The following TMCO4 variants were observed in gnomAD, a reference collection of about 807,000 sequenced individuals.
TMCO4 encodes the protein transmembrane and coiled-coil domain-containing protein 4.
TMCO4 carries 58 observed loss-of-function variants against 64.7 expected under a neutral mutation model. The observed-to-expected ratio is 0.90, with a 90% confidence interval of 0.73 to 1.12. TMCO4 has a LOEUF of 1.12. Among genes scored for constraint, TMCO4 ranks in the 50% most tolerant of loss-of-function variants. The pLI is 0.00. For synonymous variants in TMCO4, 325 were observed against 346.1 expected (o/e 0.94, Z 0.68); for missense variants, 780 against 825.9 (o/e 0.94, Z 0.68).
At chr1:19,794,014 G>A (rs999272307) in intron 2 of TMCO4, among the ~76,000 whole-genome samples, 2 of 151,882 alleles carry the variant, frequency 1.3e-5, no homozygotes, top group African/African-American at 4.8e-5. Flanking sequence ...TGATGGGGCC[G>A]CTGCAATCTG....
At chr1:19,737,571 A>AATC (rs1331356896) in intron 12 of TMCO4, 115 bp from the exon 13 acceptor site, 1 of 876,422 alleles carries the variant, frequency 1.1e-6, no homozygotes, top group Non-Finnish European at 1.8e-6. Context: ...TCATCTAATG[A>AATC]ATCATGCATG....
chr1:19,782,506 A>G (rs1224047030), intron 3 of TMCO4, among the ~76,000 whole-genome samples: 1 of 152,140 alleles, frequency 6.6e-6, no homozygotes, highest in Non-Finnish European at 1.5e-5. Flanking sequence ...TGAACTGTAT[A>G]GTTAATATTT....
intron 10 of TMCO4, among the ~76,000 whole-genome samples, chr1:19,741,792 A>G (rs2095480557): frequency 6.8e-6 from 1 of 146,688 alleles, no homozygotes; most frequent in Admixed American, 6.8e-5. Context: ...GCTGGAGTGT[A>G]GTGGCACGAT....
At position 19,794,676 on chromosome 1, in the gene TMCO4, T is replaced by C. The variant is rs76619742; in HGVS notation, c.-101+3461A>G. The stretch of plus-strand genomic sequence containing the variant: ...ATATGCAAAATAATTGAAAGCTGGG[T>C]CTCAAAAACATATTTGTACACCCAT... On this transcript the variant is annotated intron_variant, in intron 2 of 15. Coordinates refer to ENST00000294543, the MANE Select transcript of TMCO4 (RefSeq NM_181719.7). 8.3e-3 allele frequency among the ~76,000 whole-genome samples: 1,264 copies of C among 152,230 alleles called. 16 individuals carry two copies. Among genetic ancestry groups the C allele is most frequent in the African/African-American group, 0.029 (1,201 of 41,530 alleles).
chr1:19,748,321 A>T (rs1355625081), intron 7 of TMCO4, among the ~76,000 whole-genome samples: 1 of 152,216 alleles, frequency 6.6e-6, no homozygotes, highest in African/African-American at 2.4e-5. Context: ...TTTCTACCTC[A>T]TAAAGTTGTT....
chr1:19,753,206 C>T (rs764516407), intron 7 of TMCO4, among the ~76,000 whole-genome samples: 4 of 151,976 alleles, frequency 2.6e-5, no homozygotes, highest in Admixed American at 6.6e-5. Context: ...GTGATCCACC[C>T]GCCTCAGCCT....
chr1:19,685,710 CTTTTTTTTTTT>C (rs55783904), intron 15 of TMCO4, among the ~76,000 whole-genome samples: 92 of 106,616 alleles, frequency 8.6e-4, no homozygotes, highest in Admixed American at 2.2e-3. Context: ...AGGCCTGTTT[CTTTTTTTTTTT>C]TTTTTTTTTT....
At chr1:19,716,650 C>T (rs2095358159) in intron 13 of TMCO4, among the ~76,000 whole-genome samples, 1 of 152,110 alleles carries the variant, frequency 6.6e-6, no homozygotes, top group Admixed American at 6.5e-5. Flanking sequence ...CACTTACAAG[C>T]TGTGTGACCA....
At chr1:19,774,052 T>C (rs917714168) in intron 4 of TMCO4, among the ~76,000 whole-genome samples, 1 of 152,220 alleles carries the variant, frequency 6.6e-6, no homozygotes, top group African/African-American at 2.4e-5. Flanking sequence ...TAACACTGTC[T>C]GGCACCAGTG....
chr1:19,688,869 T>C (rs746297765), intron 15 of TMCO4, among the ~76,000 whole-genome samples: 32 of 152,236 alleles, frequency 2.1e-4, no homozygotes, highest in Non-Finnish European at 2.9e-4. Flanking sequence ...ACCTGGCATT[T>C]CTGCTGGGAC....
intron 13 of TMCO4, among the ~76,000 whole-genome samples, chr1:19,736,611 A>G (rs551047573): frequency 1.3e-5 from 2 of 152,226 alleles, no homozygotes; most frequent in South Asian, 2.1e-4. Context: ...CAGCCCCTCC[A>G]CAGGCAGCCC....
chr1:19,791,108 T>C (rs564072876), intron 2 of TMCO4, among the ~76,000 whole-genome samples: 62 of 152,104 alleles, frequency 4.1e-4, no homozygotes, highest in African/African-American at 1.5e-3. Context: ...AGCTGAACAA[T>C]GAGCACACAT....
chr1:19,695,566 A>AG (rs566014486), intron 14 of TMCO4, among the ~76,000 whole-genome samples: 113 of 152,282 alleles, frequency 7.4e-4, no homozygotes, highest in African/African-American at 2.6e-3. Flanking sequence ...CTCACTGTAG[A>AG]GGGATAAGAA....
intron 7 of TMCO4, among the ~76,000 whole-genome samples, chr1:19,753,107 A>G (rs565917313): frequency 3.3e-5 from 5 of 151,872 alleles, no homozygotes; most frequent in Non-Finnish European, 7.4e-5. Flanking sequence ...TTACAGGCAT[A>G]CGCCATCACA....
Position 19,771,390 on chromosome 1 carries a change from A to G in TMCO4, c.272T>C (p.Leu91Pro), listed in dbSNP as rs748456655. The change falls in exon 5 of 16, where the codon CTG becomes CCG. Residue 91 changes from leucine to proline, a missense_variant. By Grantham distance (98) the Leu-to-Pro change is moderately conservative (BLOSUM62 -3). Transcript: ENST00000294543. ...AAACACATCTGCTCCTTCACCTCCC[A>G]GGCCGCTCGCAAAAGCAGTCATGGT... ...LPTMTAFASG[L>P]GGEGADVFVQ... The G allele has an allele frequency of 3.7e-6, 6 of 1,614,032 alleles. No individual in the cohort carries two copies. In the South Asian group the frequency reaches 6.6e-5, roughly 18 times the overall value.
chr1:19,716,698 G>C (rs1250353109), intron 13 of TMCO4, among the ~76,000 whole-genome samples: 1 of 152,044 alleles, frequency 6.6e-6, no homozygotes, highest in Non-Finnish European at 1.5e-5. Context: ...CTGCTCTCTC[G>C]AAAAACAGGG....
Position 19,694,542 on chromosome 1 carries a change from C to G in TMCO4, c.1392G>C (p.Trp464Cys). The G allele has an allele frequency of 6.2e-7, 1 of 1,613,986 alleles. No homozygotes were observed. The highest frequency in any genetic ancestry group is 8.5e-7 in the Non-Finnish European group (1 of 1,179,882). Reference sequence around the variant, plus strand: ...ATGTGCGGTACACGAAACTCAGCAGCCAGTCTCCCCTGTGGGAGGGTAGAG... The same window carrying G: ...ATGTGCGGTACACGAAACTCAGCAGGCAGTCTCCCCTGTGGGAGGGTAGAG... The part of the protein sequence containing the change: ...RIINGYCRGD[W>C]LLSFVYRTSS... Residue 464 changes from tryptophan (W) to cysteine (C), a missense_variant, in exon 15 of 16, where the codon TGG becomes TGC. Coordinates refer to ENST00000294543, the MANE Select transcript of TMCO4 (RefSeq NM_181719.7).
At position 19,739,850 on chromosome 1, in the gene TMCO4, C is replaced by T. The variant is rs754941185; in HGVS notation, c.1153G>A (p.Ala385Thr). 6.2e-7 allele frequency: 1 copy of T among 1,613,644 alleles called. No homozygotes were observed. Among genetic ancestry groups the T allele is most frequent in the African/African-American group, 1.3e-5 (1 of 74,912 alleles). ...HRSAEVGKHL[A>T]HILLSRQQGR... ...TGCTGCCGGGAGAGCAGGATGTGGG[C>T]CAGGTGCTTGCCAACCTCTGCTGAT... The change falls in exon 12 of 16, where the codon GCC becomes ACC. Residue 385 changes from alanine to threonine, a missense_variant. Physicochemically the swap from Ala to Thr is moderately conservative, Grantham distance 58. Coordinates refer to ENST00000294543, the MANE Select transcript of TMCO4 (RefSeq NM_181719.7).
At chr1:19,736,457 C>T (rs557355573) in intron 13 of TMCO4, among the ~76,000 whole-genome samples, 1 of 152,288 alleles carries the variant, frequency 6.6e-6, no homozygotes, top group South Asian at 2.1e-4. Context: ...CCTCCACTCC[C>T]AGGTTCAACA....
Sources: allele counts gnomAD v4.1 joint callset (sites outside exome capture counted in the v4.1 genomes callset), GRCh38; gene constraint gnomAD v4.1.1; transcripts MANE v1.5; gene names NCBI Gene and HGNC (gene_info 2026-07-23, HGNC 2026-07-21).